KLHL29: variants seen among roughly 807,000 people sequenced by gnomAD.
KLHL29 encodes kelch-like protein 29.
Under a neutral mutation model 80.4 loss-of-function variants are expected in KLHL29, and 21 were observed. That is an observed-to-expected ratio of 0.26 (90% CI 0.19 to 0.38). KLHL29 has a LOEUF of 0.38. Among genes scored for constraint, KLHL29 ranks in the 10% least tolerant of loss-of-function variants. The pLI is 1.00. For synonymous variants in KLHL29, 511 were observed against 526.8 expected, an observed-to-expected ratio of 0.97 and a Z score of 0.41; for missense variants, 867 against 1,223.9, an observed-to-expected ratio of 0.71 and a Z score of 4.35.
chr2:23,545,842 C>A (rs923800351), intron 2 of KLHL29, among the ~76,000 whole-genome samples: 1 of 152,200 alleles, frequency 6.6e-6, no homozygotes, highest in African/African-American at 2.4e-5. Context: ...ACCAGAGTCC[C>A]CCCAGCCTCA....
At chr2:23,597,309 A>ATATATGTGTG (rs1558402682) in intron 3 of KLHL29, among the ~76,000 whole-genome samples, 4 of 100,518 alleles carry the variant, frequency 4.0e-5, no homozygotes, top group African/African-American at 1.6e-4. Flanking sequence ...ATATATATAT[A>ATATATGTGTG]TGTGTGTGTG....
intron 3 of KLHL29, among the ~76,000 whole-genome samples, chr2:23,632,565 C>T (rs1447179938): frequency 6.6e-6 from 1 of 152,260 alleles, no homozygotes; most frequent in Non-Finnish European, 1.5e-5. Context: ...CCTCCTGGAG[C>T]TCGTAGCTGG....
intron 1 of KLHL29, among the ~76,000 whole-genome samples, chr2:23,438,030 C>T (rs1663396907): frequency 6.6e-6 from 1 of 151,716 alleles, no homozygotes; most frequent in Admixed American, 6.6e-5. Flanking sequence ...CTTCACATCC[C>T]TTGTAAGTTG....
chr2:23,410,917 G>A (rs912712133), intron 1 of KLHL29, among the ~76,000 whole-genome samples: 34 of 152,112 alleles, frequency 2.2e-4, no homozygotes, highest in Non-Finnish European at 4.3e-4. Flanking sequence ...ATGGAACTTG[G>A]AAGTCTCTCC....
intron 1 of KLHL29, among the ~76,000 whole-genome samples, chr2:23,448,875 C>T (rs918346461): frequency 6.6e-5 from 10 of 152,108 alleles, no homozygotes; most frequent in Admixed American, 6.5e-4. Flanking sequence ...TATGCAAACA[C>T]GTCTGCTTGG....
chr2:23,577,960 C>T (rs1175444016), intron 3 of KLHL29, among the ~76,000 whole-genome samples: 1 of 152,160 alleles, frequency 6.6e-6, no homozygotes, highest in African/African-American at 2.4e-5. Context: ...CGAGGGACTC[C>T]AGGAGCAGAA....
rs147464399 is a variant in KLHL29 at position 23,681,174 on chromosome 2, G to A, written c.941-3225G>A. Among the ~76,000 whole-genome samples, 353 of 152,346 alleles carry A rather than the reference G, an allele frequency of 2.3e-3. 1 individual carries two copies. The highest frequency in any genetic ancestry group is 7.7e-3 in the African/African-American group (319 of 41,576). ...CCGGGCAGGCAGTGGGCAGCAGCCC[G>A]CACACACCAGCCAATCGATACTAGG... On this transcript the variant is annotated intron_variant, in intron 5 of 13. Transcript: ENST00000486442. The surrounding 1 kb of genome is among the most constrained non-coding windows in gnomAD (Gnocchi z 4.2).
chr2:23,386,374 T>C (rs1258878191), intron 1 of KLHL29, among the ~76,000 whole-genome samples: 1 of 151,960 alleles, frequency 6.6e-6, no homozygotes, highest in Admixed American at 6.5e-5. Context: ...GTAGATGAGC[T>C]CGAAAACCGT....
At chr2:23,499,822 G>A (rs1191682203) in intron 2 of KLHL29, among the ~76,000 whole-genome samples, 1 of 152,260 alleles carries the variant, frequency 6.6e-6, no homozygotes, top group East Asian at 1.9e-4. Context: ...TCCATGGACT[G>A]CTTAGGACGC....
chr2:23,650,432 A>G (rs1670059428), intron 5 of KLHL29, among the ~76,000 whole-genome samples: 1 of 152,208 alleles, frequency 6.6e-6, no homozygotes, highest in Non-Finnish European at 1.5e-5. Context: ...AGTTAAGTAC[A>G]AAGGCCCAAG....
In KLHL29 at chr2:23,644,485, T is replaced by G. The variant is rs528311340; in HGVS notation, c.940+1635T>G. Among the ~76,000 whole-genome samples the G allele has an allele frequency of 1.9e-4, 29 of 152,246 alleles. 1 individual carries two copies. Among genetic ancestry groups the G allele is most frequent in the African/African-American group, 7.0e-4 (29 of 41,546 alleles). ...GCACGCATCTAGGAAAAGGAGCTGT[T>G]TTGTGCAAAAAGGTAACTAGCTGAG... On this transcript the variant is annotated intron_variant, in intron 5 of 13. Transcript: ENST00000486442.
chr2:23,414,423 A>C (rs898701173), intron 1 of KLHL29, among the ~76,000 whole-genome samples: 1 of 152,198 alleles, frequency 6.6e-6, no homozygotes, highest in African/African-American at 2.4e-5. Context: ...GAAATTGTTA[A>C]AAGCAAGAAA....
chr2:23,644,950 G>A (rs1234152978), intron 5 of KLHL29, among the ~76,000 whole-genome samples: 1 of 152,200 alleles, frequency 6.6e-6, no homozygotes, highest in Admixed American at 6.5e-5. Context: ...CCATCACCCT[G>A]ATTTCCAGAG....
At chr2:23,580,560 A>G (rs1667956322) in intron 3 of KLHL29, among the ~76,000 whole-genome samples, 1 of 60,174 alleles carries the variant, frequency 1.7e-5, no homozygotes, top group Non-Finnish European at 4.4e-5. Flanking sequence ...CTGTAGTCCT[A>G]GCTACTCAGG....
chr2:23,551,735 T>G (rs1667135647), intron 2 of KLHL29, among the ~76,000 whole-genome samples: 1 of 152,230 alleles, frequency 6.6e-6, no homozygotes, highest in Non-Finnish European at 1.5e-5. Flanking sequence ...CTGGTGCGTC[T>G]CAAACTTTAA....
chr2:23,569,904 G>A (rs879540456), intron 3 of KLHL29, among the ~76,000 whole-genome samples: 5 of 152,146 alleles, frequency 3.3e-5, no homozygotes, highest in Non-Finnish European at 4.4e-5. Flanking sequence ...CTAAGCCTTC[G>A]AAAAGCACAA....
intron 2 of KLHL29, among the ~76,000 whole-genome samples, chr2:23,561,080 G>T (rs59801326): frequency 0.072 from 11,012 of 152,194 alleles, 848 homozygotes; most frequent in African/African-American, 0.2. Context: ...ACCAAGCTGT[G>T]CCTGAGCCAT....
At chr2:23,564,974 C>T (rs1440249203) in intron 3 of KLHL29, among the ~76,000 whole-genome samples, 6 of 152,320 alleles carry the variant, frequency 3.9e-5, no homozygotes, top group African/African-American at 1.4e-4. Flanking sequence ...CTGAGTGACC[C>T]TGGACAGGTT....
intron 11 of KLHL29, chr2:23,698,054 C>CAA (rs1436553990): frequency 1.3e-5 from 2 of 152,202 alleles, no homozygotes; most frequent in East Asian, 3.9e-4. Context: ...TCAAATGCAC[C>CAA]AACTAAGCAG....
Sources: gnomAD v4.1 joint callset for allele counts (sites outside exome capture counted in the v4.1 genomes callset) on GRCh38, gnomAD v4.1.1 for gene constraint, Gnocchi (gnomAD v3.1) non-coding constraint, MANE v1.5 for transcripts, NCBI Gene and HGNC (gene_info 2026-07-23, HGNC 2026-07-21) for gene names.